Variants in LHX6 observed in about 807,000 individuals in gnomAD.
The protein encoded by LHX6 is LIM/homeobox protein Lhx6.
Under a neutral mutation model 47.1 loss-of-function variants are expected in LHX6, and 15 were observed. The ratio of observed to expected loss-of-function variants is 0.32; its 90% CI spans 0.21 to 0.49. The LOEUF is 0.49. Ranked by LOEUF, LHX6 falls within the 20% of genes least tolerant of loss-of-function variation. The probability of loss-of-function intolerance (pLI) is 0.99; values close to 1 mark genes in which losing one functional copy is unlikely to be tolerated. For missense variants in LHX6, 404 were observed against 539.6 expected, an observed-to-expected ratio of 0.75 and a Z score of 2.49; for synonymous variants, 242 against 233.5, an observed-to-expected ratio of 1.04 and a Z score of -0.33.
chr9:122,216,046 G>C (rs1474787227), intron 5 of LHX6, among the ~76,000 whole-genome samples: 1 of 152,162 alleles, frequency 6.6e-6, no homozygotes, highest in Non-Finnish European at 1.5e-5. Context: ...TAGGGCCAAG[G>C]TGGTGTGGTA....
intron 9 of LHX6, among the ~76,000 whole-genome samples, chr9:122,205,339 C>G (rs931709858): frequency 3.3e-5 from 5 of 152,232 alleles, no homozygotes; most frequent in Non-Finnish European, 2.9e-5. Context: ...CTAAGCACTT[C>G]ACATGCGCTT....
At chr9:122,207,451 C>T (rs1830226530) in intron 9 of LHX6, among the ~76,000 whole-genome samples, 1 of 152,168 alleles carries the variant, frequency 6.6e-6, no homozygotes, top group Non-Finnish European at 1.5e-5. Flanking sequence ...ATGAGAAGGC[C>T]ATCTCTATGT....
At position 122,228,782 on chromosome 9, in the gene LHX6, A is replaced by G; in HGVS notation, c.-42T>C. The G allele has an allele frequency of 8.3e-7, 1 of 1,200,884 alleles. No homozygotes were observed. Among genetic ancestry groups the G allele is most frequent in the Non-Finnish European group, 1.0e-6 (1 of 958,346 alleles). 74.4% of individuals were successfully genotyped at this position (1,200,884 alleles called of 1,614,324 possible). A position where few individuals can be genotyped will look rare whatever the true frequency, so the allele number is the denominator to read the frequency against. On this transcript the variant is annotated 5_prime_UTR_variant, in exon 1 of 10. Coordinates refer to ENST00000394319, the MANE Select transcript of LHX6 (RefSeq NM_014368.5). ...GGCTCAGCGGGCGCGCAGCGCGGAG[A>G]GCTGCGCCGAGGGGGACCACAGCCG... is the stretch of plus-strand genomic sequence containing the variant.
intron 4 of LHX6, among the ~76,000 whole-genome samples, chr9:122,224,469 A>G (rs1013991217): frequency 6.6e-6 from 1 of 151,868 alleles, no homozygotes; most frequent in Non-Finnish European, 1.5e-5. Flanking sequence ...GTTACACACC[A>G]TTAACCCCTG....
At position 122,214,069 on chromosome 9, in the gene LHX6, C is replaced by G. The variant is rs1250236296; in HGVS notation, c.784G>C (p.Val262Leu). Residue 262 changes from valine (V) to leucine (L), a missense_variant and splice_region_variant, in exon 7 of 10, where the codon GTT (valine) becomes CTT (leucine). Physicochemically the swap from Val to Leu is conservative, Grantham distance 32. Around this residue, in one of 7 missense-constraint regions of LHX6, gnomAD observed 43 missense variants for 84.7 expected, o/e 0.51. Coordinates refer to ENST00000394319, the MANE Select transcript of LHX6 (RefSeq NM_014368.5). The surrounding 1 kb of genome is among the most constrained non-coding windows in gnomAD (Gnocchi z 4.6). ...TCCTGCGCGAACTGCGCCTGCATAA[C>G]CTGCGGGGCGGGGAGGGCGGTGAGG... ...RTSFTAEQLQ[V>L]MQAQFAQDNN... 1.2e-6 allele frequency: 2 copies of G among 1,600,360 alleles called. No homozygotes were observed. Among genetic ancestry groups the G allele is most frequent in the South Asian group, 1.1e-5 (1 of 90,772 alleles).
chr9:122,222,540 G>A (rs78396943), intron 4 of LHX6, among the ~76,000 whole-genome samples: 2,185 of 152,240 alleles, frequency 0.014, 60 homozygotes, highest in African/African-American at 0.048. Context: ...CAGTGGCCTG[G>A]CCAAGGACAC....
chr9:122,209,694 G>T lies in LHX6; in HGVS notation c.1078C>A (p.His360Asn). Residue 360 changes from histidine (H) to asparagine (N), a missense_variant, in exon 9 of 10, where the codon CAC becomes AAC. Around this residue, in one of 7 missense-constraint regions of LHX6, gnomAD observed 127 missense variants for 116.1 expected, o/e 1.09. Coordinates refer to ENST00000394319, the MANE Select transcript of LHX6 (RefSeq NM_014368.5). Reference sequence around the variant, plus strand: ...GGTGCGGTGTAAGGCAGCCGGCAGTGCACCTGCCCGCACTGTACCTGACCT... The same window carrying T: ...GGTGCGGTGTAAGGCAGCCGGCAGTTCACCTGCCCGCACTGTACCTGACCT... ...IESQVQCGQVHCRLPYTAPPV... is the reference protein window; with the variant it reads ...IESQVQCGQVNCRLPYTAPPV... The T allele has an allele frequency of 2.2e-6, 2 of 929,706 alleles. No individual in the cohort carries two copies. Among genetic ancestry groups the T allele is most frequent in the Non-Finnish European group, 3.6e-6 (2 of 554,488 alleles). The allele number at this position is 929,706 out of a possible 1,614,324, so 57.6% of individuals were successfully genotyped here. A position where few individuals can be genotyped will look rare whatever the true frequency, so the allele number is the denominator to read the frequency against.
At chr9:122,224,876 C>T (rs1380656393) in intron 4 of LHX6, among the ~76,000 whole-genome samples, 3 of 152,200 alleles carry the variant, frequency 2.0e-5, no homozygotes, top group African/African-American at 7.2e-5. Flanking sequence ...GCACAGATCC[C>T]AGACAATACA....
At position 122,219,807 on chromosome 9, in the gene LHX6, G is replaced by A. The variant is rs184042683; in HGVS notation, c.462-2519C>T. ...AAGGTGCAAAAAGTACCTAGAACCT[G>A]CGGAGCAACTGGACTGGCGACGAGG... On this transcript the variant is annotated intron_variant, in intron 4 of 9. Coordinates refer to ENST00000394319, the MANE Select transcript of LHX6 (RefSeq NM_014368.5). Among the ~76,000 whole-genome samples, 28 of 152,368 alleles carry A rather than the reference G, an allele frequency of 1.8e-4. No individual in the cohort carries two copies. The East Asian group carries it at 5.2e-3, about 28-fold the overall frequency.
intron 9 of LHX6, among the ~76,000 whole-genome samples, chr9:122,208,834 T>TAAAA (rs34355404): frequency 2.6e-5 from 3 of 117,298 alleles, no homozygotes; most frequent in Admixed American, 8.8e-5. Context: ...AAACTCTGTC[T>TAAAA]AAAAAAAAAA....
At chr9:122,215,888 A>C (rs1830577685) in intron 5 of LHX6, among the ~76,000 whole-genome samples, 1 of 152,186 alleles carries the variant, frequency 6.6e-6, no homozygotes, top group Non-Finnish European at 1.5e-5. Context: ...GGGGTTGGGC[A>C]GACACTCTGT....
intron 9 of LHX6, among the ~76,000 whole-genome samples, chr9:122,208,340 C>A (rs967354146): frequency 3.9e-5 from 6 of 152,036 alleles, no homozygotes; most frequent in African/African-American, 1.4e-4. Flanking sequence ...TTGCCCCCTT[C>A]CCCCTCCCCA....
chr9:122,205,364 C>T (rs1022168704), intron 9 of LHX6, among the ~76,000 whole-genome samples: 1 of 152,228 alleles, frequency 6.6e-6, no homozygotes. Flanking sequence ...TTCACATGCA[C>T]GAAGCCTAGA....
At position 122,217,330 on chromosome 9, in the gene LHX6, C is replaced by G; in HGVS notation, c.462-42G>C. On this transcript the variant is annotated intron_variant, in intron 4 of 9. Coordinates refer to ENST00000394319, the MANE Select transcript of LHX6 (RefSeq NM_014368.5). This position sits in a 1 kb window ranked among gnomAD's most constrained non-coding sequence, Gnocchi z 4.9. ...CAGGCACGGGGTGTCGAGACTCAGA[C>G]AGGCCAACCTTCCTCCTTCCACCAC... 1 of 1,529,008 alleles carries G rather than the reference C, an allele frequency of 6.5e-7. No homozygotes were observed. Among genetic ancestry groups the G allele is most frequent in the Non-Finnish European group, 8.9e-7 (1 of 1,128,456 alleles). 94.7% of individuals were successfully genotyped at this position (1,529,008 alleles called of 1,614,324 possible). A position where few individuals can be genotyped will look rare whatever the true frequency, so the allele number is the denominator to read the frequency against.
In LHX6 at chr9:122,223,059, C is replaced by A. The variant is rs533585284; in HGVS notation, c.461+3317G>T. Among the ~76,000 whole-genome samples, 3 of 152,350 alleles carry A rather than the reference C, an allele frequency of 2.0e-5. No homozygotes were observed. The East Asian group carries it at 5.8e-4, about 29-fold the overall frequency. On this transcript the variant is annotated intron_variant, in intron 4 of 9. Coordinates refer to ENST00000394319, the MANE Select transcript of LHX6 (RefSeq NM_014368.5). ...CCATTCACACTCTCTCCAGGAAGAA[C>A]TTCCTCATAGCAGCCACCCAGAGCT... is the stretch of plus-strand genomic sequence containing the variant.
intron 4 of LHX6, among the ~76,000 whole-genome samples, chr9:122,218,087 T>C (rs964492720): frequency 2.0e-5 from 3 of 152,196 alleles, no homozygotes; most frequent in African/African-American, 7.2e-5. Flanking sequence ...AAGCCTTCCT[T>C]GATTCTACGA....
intron 4 of LHX6, among the ~76,000 whole-genome samples, chr9:122,225,260 G>C (rs1831044356): frequency 6.6e-6 from 1 of 152,258 alleles, no homozygotes; most frequent in Non-Finnish European, 1.5e-5. Context: ...TAGGGAAGCA[G>C]CTTTCTCCAC....
In LHX6 at chr9:122,214,588, G is replaced by A. The variant is rs1830528205; in HGVS notation, c.683-205C>T. Among the ~76,000 whole-genome samples, 2 of 152,108 alleles carry A rather than the reference G, an allele frequency of 1.3e-5. No individual in the cohort carries two copies. The highest frequency in any genetic ancestry group is 4.1e-4 in the South Asian group (2 of 4,832). ...GCTTAGTACTGGACACTTCTTACAC[G>A]ACTGGACCACGTCTTACAGCCCTAA... On this transcript the variant is annotated intron_variant, in intron 5 of 9. Coordinates refer to ENST00000394319, the MANE Select transcript of LHX6 (RefSeq NM_014368.5). The surrounding 1 kb of genome is among the most constrained non-coding windows in gnomAD (Gnocchi z 4.6).
intron 1 of LHX6, 196 bp downstream of exon 1, chr9:122,228,461 G>T: frequency 7.0e-7 from 1 of 1,432,474 alleles, no homozygotes; most frequent in Non-Finnish European, 9.1e-7. Context: ...TCCAACATTT[G>T]CATAATGTGT....
Sources: allele counts gnomAD v4.1 joint callset (sites outside exome capture counted in the v4.1 genomes callset), GRCh38; gene constraint gnomAD v4.1.1; regional missense constraint gnomAD v4.1.1; non-coding constraint Gnocchi (gnomAD v3.1); transcripts MANE v1.5; gene names NCBI Gene and HGNC (gene_info 2026-07-23, HGNC 2026-07-21).